ITPKC: variants seen among roughly 807,000 people sequenced by gnomAD.
ITPKC encodes IP3 3-kinase C.
A neutral mutation model predicts 67.1 loss-of-function variants in ITPKC; 33 were observed. That is an observed-to-expected ratio of 0.49 (90% CI 0.37 to 0.66). ITPKC has a LOEUF of 0.66. Among genes scored for constraint, ITPKC ranks in the 30% least tolerant of loss-of-function variants. ITPKC has a pLI of 0.00. For missense variants in ITPKC, 820 were observed against 892.1 expected (o/e 0.92, Z 1.03); for synonymous variants, 341 against 359.8 (o/e 0.95, Z 0.59).
intron 4 of ITPKC, among the ~76,000 whole-genome samples, chr19:40,736,066 C>T (rs4803360): frequency 0.48 from 73,402 of 151,790 alleles, 18,140 homozygotes; most frequent in South Asian, 0.58. Flanking sequence ...CCAAGGCGGG[C>T]GGAGCATGAG....
rs575257008 is a variant in ITPKC, at chr19:40,734,600, C to T, written c.1674+1236C>T. Among the ~76,000 whole-genome samples the T allele has an allele frequency of 2.6e-5, 4 of 151,332 alleles. No individual in the cohort carries two copies. The East Asian group carries it at 7.8e-4, about 30-fold the overall frequency. On this transcript the variant is annotated intron_variant, in intron 4 of 6. Transcript: ENST00000263370. Reference sequence around the variant, plus strand: ...CCCTCTAGGATCTAGCCTCTTCTCTCTCATTCTTCTCTTTTCTTTTTTTTT... The same window carrying T: ...CCCTCTAGGATCTAGCCTCTTCTCTTTCATTCTTCTCTTTTCTTTTTTTTT...
intron 4 of ITPKC, among the ~76,000 whole-genome samples, chr19:40,736,301 A>G (rs747905704): frequency 4.5e-4 from 69 of 151,950 alleles, no homozygotes; most frequent in Non-Finnish European, 3.5e-4. Flanking sequence ...AAAAAAAAGA[A>G]AAGAGCAGAG....
intron 3 of ITPKC, among the ~76,000 whole-genome samples, chr19:40,730,716 T>G (rs753524402): frequency 3.9e-5 from 6 of 152,184 alleles, no homozygotes; most frequent in Non-Finnish European, 5.9e-5. Context: ...AGGTGCATAC[T>G]ATCACACCTA....
At chr19:40,732,438 G>A (rs146371606) in intron 3 of ITPKC, among the ~76,000 whole-genome samples, 2 of 148,282 alleles carry the variant, frequency 1.3e-5, no homozygotes, top group Non-Finnish European at 3.0e-5. Context: ...GCTGAGGCAG[G>A]AGAATCGCTT....
chr19:40,733,183 T>G lies in ITPKC; in HGVS notation c.1493T>G (p.Val498Gly), dbSNP rs776140763. Reference sequence around the variant, plus strand: ...AGGACCTATCTGGAAGAGGAGCTAGTGAAGGCACGGGAACGTCCCCGTCCC... The same window carrying G: ...AGGACCTATCTGGAAGAGGAGCTAGGGAAGGCACGGGAACGTCCCCGTCCC... ...GSRTYLEEEL[V>G]KARERPRPRK... Residue 498 changes from valine (V) to glycine (G), a missense_variant, in exon 4 of 7, where the codon GTG becomes GGG. Around this residue, in one of 2 missense-constraint regions of ITPKC, gnomAD observed 339 missense variants for 422.0 expected, o/e 0.80. Coordinates refer to ENST00000263370, the MANE Select transcript of ITPKC (RefSeq NM_025194.3). 4 of 1,614,172 alleles carry G rather than the reference T, an allele frequency of 2.5e-6. No homozygotes were observed. Among genetic ancestry groups the G allele is most frequent in the Non-Finnish European group, 2.5e-6 (3 of 1,180,014 alleles).
chr19:40,727,783 G>A (rs957988018), intron 2 of ITPKC, among the ~76,000 whole-genome samples: 8 of 152,154 alleles, frequency 5.3e-5, no homozygotes, highest in South Asian at 2.1e-4. Context: ...GCCATAAACC[G>A]TCCCATATTT....
chr19:40,717,570 T>A lies in ITPKC; in HGVS notation c.435T>A (p.Leu145=). 6.2e-7 allele frequency: 1 copy of A among 1,614,004 alleles called. No individual in the cohort carries two copies. The highest frequency in any genetic ancestry group is 1.1e-5 in the South Asian group (1 of 91,070). ...GGACGGAGACCGGGACAGATGGCCT[T>A]TGGACTGATCCGCACAGGTCCGACC... The part of the protein sequence containing the change: ...CLWTETGTDG[L]WTDPHRSDLQ... Residue 145 remains leucine, a synonymous_variant, in exon 1 of 7, where the codon CTT becomes CTA. Coordinates refer to ENST00000263370, the MANE Select transcript of ITPKC (RefSeq NM_025194.3).
intron 2 of ITPKC, among the ~76,000 whole-genome samples, chr19:40,727,329 G>A (rs562266858): frequency 4.1e-4 from 57 of 139,468 alleles, no homozygotes; most frequent in African/African-American, 1.4e-3. Context: ...GCGAGACTCT[G>A]TCTCAAAAAT....
intron 2 of ITPKC, among the ~76,000 whole-genome samples, chr19:40,727,369 A>AATTTTCCATAGACACATCTAAACATTT (rs2082251033): frequency 6.6e-6 from 1 of 152,030 alleles, no homozygotes; most frequent in Non-Finnish European, 1.5e-5. Context: ...AATAAAATAA[A>AATTTTCCATAGACACATCTAAACATTT]TACAAAACAA....
At chr19:40,736,216 G>A (rs1322282951) in intron 4 of ITPKC, among the ~76,000 whole-genome samples, 1 of 152,060 alleles carries the variant, frequency 6.6e-6, no homozygotes, top group African/African-American at 2.4e-5. Context: ...CATGAACCCA[G>A]GGGGCGGAGC....
chr19:40,732,747 C>G, intron 3 of ITPKC, among the ~76,000 whole-genome samples: 1 of 152,116 alleles, frequency 6.6e-6, no homozygotes, highest in Middle Eastern at 3.4e-3. Flanking sequence ...TTAATTTAGT[C>G]CAGTTTGTCA....
In ITPKC at chr19:40,717,586, A is replaced by G. The variant is rs766807689; in HGVS notation, c.451A>G (p.Arg151Gly). Residue 151 changes from arginine to glycine, a missense_variant, in exon 1 of 7, where the codon AGG becomes GGG. By Grantham distance (125) the Arg-to-Gly change is moderately radical. Around this residue, in one of 2 missense-constraint regions of ITPKC, gnomAD observed 481 missense variants for 470.1 expected, o/e 1.02. Transcript: ENST00000263370. ...AGATGGCCTTTGGACTGATCCGCAC[A>G]GGTCCGACCTCCAGTTTCAGCCCGA... ...GTDGLWTDPH[R>G]SDLQFQPEEA... The G allele has an allele frequency of 1.1e-5, 17 of 1,614,142 alleles. No homozygotes were observed. In the Middle Eastern group the frequency reaches 1.3e-3, roughly 125 times the overall value.
At chr19:40,722,725 G>A (rs983497282) in intron 1 of ITPKC, among the ~76,000 whole-genome samples, 4 of 152,212 alleles carry the variant, frequency 2.6e-5, no homozygotes, top group East Asian at 1.9e-4. Context: ...TAGTTTAGTC[G>A]GCATGATACA....
chr19:40,721,401 C>T (rs1387205935), intron 1 of ITPKC, among the ~76,000 whole-genome samples: 1 of 149,940 alleles, frequency 6.7e-6, no homozygotes, highest in Non-Finnish European at 1.5e-5. Context: ...TGCGGAGTTT[C>T]ACTCTGTTGC....
chr19:40,728,374 G>A (rs2082255788), intron 2 of ITPKC, among the ~76,000 whole-genome samples: 1 of 152,038 alleles, frequency 6.6e-6, no homozygotes. Context: ...GACAGAGTGA[G>A]ATCCTCTCAA....
chr19:40,718,921 G>A (rs1003886891), intron 1 of ITPKC, among the ~76,000 whole-genome samples: 1 of 152,180 alleles, frequency 6.6e-6, no homozygotes, highest in African/African-American at 2.4e-5. Context: ...TCCCCAAGGA[G>A]CCCCCTGAAC....
intron 4 of ITPKC, among the ~76,000 whole-genome samples, chr19:40,735,343 T>A (rs2082289931): frequency 6.8e-6 from 1 of 147,650 alleles, no homozygotes; most frequent in South Asian, 2.1e-4. Flanking sequence ...GCTCTTCTAT[T>A]TTTTTTTTTT....
At chr19:40,723,489 A>G (rs1313362721) in intron 1 of ITPKC, among the ~76,000 whole-genome samples, 4 of 133,766 alleles carry the variant, frequency 3.0e-5, no homozygotes, top group African/African-American at 1.1e-4. Context: ...TAGTCTTCCT[A>G]TATTTGTTTT....
At chr19:40,737,663 C>T in intron 5 of ITPKC, 35 bp from the exon 6 acceptor site, 1 of 1,599,312 alleles carries the variant, frequency 6.3e-7, no homozygotes, top group Non-Finnish European at 8.6e-7. Context: ...CCACAAAGTC[C>T]CCATGCTAAC....
Sources: allele counts gnomAD v4.1 joint callset (sites outside exome capture counted in the v4.1 genomes callset), GRCh38; gene constraint gnomAD v4.1.1; regional missense constraint gnomAD v4.1.1; transcripts MANE v1.5; gene names NCBI Gene and HGNC (gene_info 2026-07-23, HGNC 2026-07-21).